Variants in SEMA3D observed in about 807,000 individuals in gnomAD.
SEMA3D encodes the protein semaphorin-3D.
A neutral mutation model predicts 100.1 loss-of-function variants in SEMA3D; 84 were observed. The observed-to-expected ratio is 0.84, with a 90% confidence interval of 0.70 to 1.01. The LOEUF is 1.01. Ranked by LOEUF, SEMA3D falls within the 50% of genes least tolerant of loss-of-function variation. The pLI, the probability that SEMA3D is intolerant of heterozygous loss-of-function variation, is 0.00. For missense variants in SEMA3D, 875 were observed against 934.1 expected, an observed-to-expected ratio of 0.94 and a Z score of 0.82; for synonymous variants, 312 against 320.7, an observed-to-expected ratio of 0.97 and a Z score of 0.29.
chr7:85,133,385 AT>A (rs543116450), intron 2 of SEMA3D, among the ~76,000 whole-genome samples: 131 of 152,082 alleles, frequency 8.6e-4, no homozygotes, highest in African/African-American at 3.0e-3. Context: ...CTGCCGATGG[AT>A]ATTTCTCCAT....
intron 2 of SEMA3D, among the ~76,000 whole-genome samples, chr7:85,149,932 T>G (rs1790319189): frequency 6.6e-6 from 1 of 152,116 alleles, no homozygotes; most frequent in African/African-American, 2.4e-5. Context: ...TTTCTTAATT[T>G]TAACATTCAA....
intron 4 of SEMA3D, among the ~76,000 whole-genome samples, chr7:85,085,147 A>C (rs1452029417): frequency 6.6e-6 from 1 of 152,110 alleles, no homozygotes; most frequent in Non-Finnish European, 1.5e-5. Flanking sequence ...TGTTTGTTTT[A>C]GATGATAATC....
In SEMA3D at chr7:85,002,053, G is replaced by A. The variant is rs1426044626; in HGVS notation, c.1909-2188C>T. Reference sequence around the variant, plus strand: ...TATGACTTGATCTCACCCATATTGTGTAACACTTCATCATTACTTTTGCTA... The same window carrying A: ...TATGACTTGATCTCACCCATATTGTATAACACTTCATCATTACTTTTGCTA... On this transcript the variant is annotated intron_variant, in intron 18 of 18. Transcript: ENST00000284136. Among the ~76,000 whole-genome samples, 8 of 152,094 alleles carry A rather than the reference G, an allele frequency of 5.3e-5. No homozygotes were observed. The South Asian group carries it at 1.7e-3, about 32-fold the overall frequency.
intron 8 of SEMA3D, 37 bp from the exon 9 acceptor site, chr7:85,055,896 G>A: frequency 8.2e-7 from 1 of 1,218,848 alleles, no homozygotes; most frequent in South Asian, 1.4e-5. Flanking sequence ...TTAAGATACT[G>A]AAACAATCCA....
chr7:85,120,182 T>C (rs2116398688), intron 3 of SEMA3D, among the ~76,000 whole-genome samples: 1 of 152,150 alleles, frequency 6.6e-6, no homozygotes, highest in South Asian at 2.1e-4. Flanking sequence ...GAAGAGTTGT[T>C]TATGGAAGAA....
chr7:85,147,385 G>A (rs966503940), intron 2 of SEMA3D, among the ~76,000 whole-genome samples: 7 of 151,770 alleles, frequency 4.6e-5, no homozygotes, highest in African/African-American at 1.7e-4. Context: ...ACCAACCTCA[G>A]GTGATTCACC....
chr7:85,225,139 A>G, the SEMA3D span, among the ~76,000 whole-genome samples: 7 of 136,988 alleles, frequency 5.1e-5, no homozygotes, highest in Non-Finnish European at 9.3e-5. Context: ...ATAAATATAT[A>G]TATAAAATAC....
At chr7:85,098,646 T>C (rs1260495362) in intron 3 of SEMA3D, among the ~76,000 whole-genome samples, 2 of 151,914 alleles carry the variant, frequency 1.3e-5, no homozygotes, top group African/African-American at 2.4e-5. Flanking sequence ...CTCAGTGTTA[T>C]AATTATTACA....
At chr7:85,003,758 G>T (rs914921062) in intron 18 of SEMA3D, among the ~76,000 whole-genome samples, 2 of 151,850 alleles carry the variant, frequency 1.3e-5, no homozygotes, top group African/African-American at 4.8e-5. Flanking sequence ...CACATAAGAA[G>T]GTAAGTTCAC....
Position 85,140,850 on chromosome 7 carries a change from TA to T in SEMA3D, c.-41+12757del, listed in dbSNP as rs907990631. 21 of 834,954 alleles carry T rather than the reference TA, an allele frequency of 2.5e-5. No individual in the cohort carries two copies. In the South Asian group the frequency reaches 7.8e-4, roughly 31 times the overall value. The allele number at this position is 834,954 out of a possible 1,614,324, so 51.7% of individuals were successfully genotyped here. On this transcript the variant is annotated intron_variant, in intron 2 of 18. Transcript: ENST00000284136. ...AAAGTAGTTTTTCACATTCTACCAT[TA>T]AAAAAATGGTAGGTATACAAAAAGA...
intron 6 of SEMA3D, among the ~76,000 whole-genome samples, chr7:85,069,226 A>T (rs1488704122): frequency 1.3e-5 from 2 of 152,170 alleles, no homozygotes; most frequent in Non-Finnish European, 2.9e-5. Flanking sequence ...GTAGAACACA[A>T]GCAATAAAGC....
the SEMA3D span, among the ~76,000 whole-genome samples, chr7:85,205,193 G>A: frequency 6.6e-6 from 1 of 151,946 alleles, no homozygotes; most frequent in Non-Finnish European, 1.5e-5. Flanking sequence ...TAGTCCATTA[G>A]AAATATGGTT....
Position 85,024,359 on chromosome 7 carries a change from T to C in SEMA3D, c.1192-1746A>G, listed in dbSNP as rs560672372. 2.0e-5 allele frequency among the ~76,000 whole-genome samples: 3 copies of C among 152,076 alleles called. No homozygotes were observed. The South Asian group carries it at 6.2e-4, about 32-fold the overall frequency. On this transcript the variant is annotated intron_variant, in intron 12 of 18. Transcript: ENST00000284136. ...CCTCCAACTTAAGAAAAAATCACTT[T>C]TGACTTTGCAGCTGTAGTTGTGCAG...
chr7:85,155,327 C>T (rs1473449806), intron 1 of SEMA3D, among the ~76,000 whole-genome samples: 1 of 152,072 alleles, frequency 6.6e-6, no homozygotes, highest in Non-Finnish European at 1.5e-5. Flanking sequence ...AAATATATAA[C>T]TAAATAGATG....
At chr7:85,009,004 TA>T (rs1389421032) in intron 17 of SEMA3D, among the ~76,000 whole-genome samples, 1 of 151,794 alleles carries the variant, frequency 6.6e-6, no homozygotes, top group Non-Finnish European at 1.5e-5. Flanking sequence ...CAAAATCTGA[TA>T]AAATGCGGAA....
At chr7:85,116,338 T>G (rs1408569399) in intron 3 of SEMA3D, among the ~76,000 whole-genome samples, 1 of 146,536 alleles carries the variant, frequency 6.8e-6, no homozygotes, top group African/African-American at 2.5e-5. Context: ...ATGTATATAT[T>G]TATGTATATT....
chr7:85,222,942 A>T, the SEMA3D span, among the ~76,000 whole-genome samples: 1 of 152,254 alleles, frequency 6.6e-6, no homozygotes, highest in African/African-American at 2.4e-5. Context: ...CAAGGAAAAC[A>T]AACGAATTGG....
intron 3 of SEMA3D, among the ~76,000 whole-genome samples, chr7:85,098,336 A>C (rs1229132276): frequency 6.6e-6 from 1 of 151,818 alleles, no homozygotes; most frequent in Non-Finnish European, 1.5e-5. Context: ...AAAACATGTA[A>C]ATATACAAAA....
chr7:85,050,124 G>C (rs887921937), intron 9 of SEMA3D, among the ~76,000 whole-genome samples: 1 of 146,724 alleles, frequency 6.8e-6, no homozygotes, highest in Admixed American at 6.8e-5. Flanking sequence ...CACACACAGA[G>C]ACAGAGTAAT....
Sources: allele counts gnomAD v4.1 joint callset (sites outside exome capture counted in the v4.1 genomes callset), GRCh38; gene constraint gnomAD v4.1.1; transcripts MANE v1.5; gene names NCBI Gene and HGNC (gene_info 2026-07-23, HGNC 2026-07-21).